The following ARID5B variants were observed in gnomAD, a reference collection of about 807,000 sequenced individuals.
ARID5B encodes the protein AT-rich interaction domain 5B.
Under a neutral mutation model 97.2 loss-of-function variants are expected in ARID5B, and 13 were observed. The ratio of observed to expected loss-of-function variants is 0.13; its 90% CI spans 0.09 to 0.21. The LOEUF is 0.21. Among genes scored for constraint, ARID5B ranks in the 10% least tolerant of loss-of-function variants. ARID5B has a pLI of 1.00. For synonymous variants in ARID5B, 556 were observed against 570.3 expected (o/e 0.97, Z 0.36); for missense variants, 1,210 against 1,465.3 (o/e 0.83, Z 2.84).
chr10:61,904,278 G>C (rs936131938), intron 2 of ARID5B, among the ~76,000 whole-genome samples: 17 of 151,954 alleles, frequency 1.1e-4, no homozygotes, highest in Admixed American at 1.1e-3. Context: ...CTCTTTTTTG[G>C]GGGGCGGGGA....
chr10:62,058,600 G>T (rs768146276), intron 6 of ARID5B, among the ~76,000 whole-genome samples: 8 of 152,140 alleles, frequency 5.3e-5, no homozygotes, highest in Non-Finnish European at 8.8e-5. Flanking sequence ...CATCACACAG[G>T]CCAGTTAGGG....
intron 3 of ARID5B, among the ~76,000 whole-genome samples, chr10:61,954,903 G>A (rs1181825965): frequency 1.3e-5 from 2 of 152,052 alleles, no homozygotes; most frequent in South Asian, 2.1e-4. Context: ...CTACTTGGGA[G>A]GCTGAGGCAG....
intron 3 of ARID5B, among the ~76,000 whole-genome samples, chr10:61,982,554 G>A (rs1006806267): frequency 1.3e-5 from 2 of 152,196 alleles, no homozygotes; most frequent in African/African-American, 2.4e-5. Context: ...ATTTCTTACA[G>A]CTAAAGAAAA....
At chr10:62,013,619 C>G (rs933009748) in intron 4 of ARID5B, among the ~76,000 whole-genome samples, 2 of 151,998 alleles carry the variant, frequency 1.3e-5, no homozygotes, top group Non-Finnish European at 2.9e-5. Context: ...CCATTCTACT[C>G]TCTACTCCTA....
intron 4 of ARID5B, among the ~76,000 whole-genome samples, chr10:62,048,265 G>A (rs186831213): frequency 1.9e-3 from 295 of 152,264 alleles, no homozygotes; most frequent in African/African-American, 6.6e-3. Context: ...CAGCCTTTTG[G>A]GTGTTGTGCT....
intron 3 of ARID5B, among the ~76,000 whole-genome samples, chr10:61,995,334 G>T (rs962585189): frequency 6.6e-6 from 1 of 152,206 alleles, no homozygotes; most frequent in Non-Finnish European, 1.5e-5. Flanking sequence ...ACTTTGCACA[G>T]GAGTGTTTAC....
At chr10:61,947,830 G>A (rs1480422741) in intron 3 of ARID5B, among the ~76,000 whole-genome samples, 1 of 152,198 alleles carries the variant, frequency 6.6e-6, no homozygotes, top group Non-Finnish European at 1.5e-5. Context: ...CCAATCAACA[G>A]CTGGTCGTTG....
intron 3 of ARID5B, among the ~76,000 whole-genome samples, chr10:61,953,614 G>A (rs999790575): frequency 3.9e-5 from 6 of 152,180 alleles, no homozygotes; most frequent in African/African-American, 1.4e-4. Flanking sequence ...GTAGCGGAAA[G>A]AGCATGAACT....
At chr10:61,949,489 TA>T (rs1249964527) in intron 3 of ARID5B, among the ~76,000 whole-genome samples, 1 of 152,092 alleles carries the variant, frequency 6.6e-6, no homozygotes, top group East Asian at 1.9e-4. Flanking sequence ...AATACAAAAT[TA>T]GACGGGTATG....
At chr10:61,977,971 TC>T (rs1160594681) in intron 3 of ARID5B, among the ~76,000 whole-genome samples, 1 of 152,228 alleles carries the variant, frequency 6.6e-6, no homozygotes, top group Non-Finnish European at 1.5e-5. Flanking sequence ...TAGGTTTTCT[TC>T]TAGGGTTTTT....
At chr10:61,962,506 G>C (rs1036836988) in intron 3 of ARID5B, among the ~76,000 whole-genome samples, 1 of 152,196 alleles carries the variant, frequency 6.6e-6, no homozygotes, top group Non-Finnish European at 1.5e-5. Context: ...TTACATGTGG[G>C]TTTGAGAAAT....
intron 4 of ARID5B, chr10:62,049,225 C>T (rs1208094875): frequency 9.6e-6 from 13 of 1,359,872 alleles, no homozygotes; most frequent in Admixed American, 3.4e-5. Flanking sequence ...CCCTCCCTGC[C>T]AGTCTGGCAA....
At position 62,091,425 on chromosome 10, in the gene ARID5B, T is replaced by C. The variant is rs761913705; in HGVS notation, c.1962T>C (p.Phe654=). ...QTPKVLVVQS[F]DMFKDKDLTG... ...CAAAGGTCCTTGTGGTCCAGTCGTT[T>C]GACATGTTCAAAGACAAAGACCTGA... The change falls in exon 10 of 10, where the codon TTT becomes TTC. Residue 654 remains phenylalanine (F), a synonymous_variant. Transcript: ENST00000279873. 6.2e-7 allele frequency: 1 copy of C among 1,612,594 alleles called. No homozygotes were observed. The highest frequency in any genetic ancestry group is 1.7e-5 in the Admixed American group (1 of 59,880).
chr10:62,038,204 GT>G (rs1194888973), intron 4 of ARID5B, among the ~76,000 whole-genome samples: 1 of 152,088 alleles, frequency 6.6e-6, no homozygotes, highest in South Asian at 2.1e-4. Context: ...TTTAAATGGT[GT>G]TTTTAAAAGA....
chr10:62,065,765 G>T (rs934604963), intron 7 of ARID5B, among the ~76,000 whole-genome samples: 1 of 148,530 alleles, frequency 6.7e-6, no homozygotes, highest in Admixed American at 6.8e-5. Flanking sequence ...AGGATAGCGT[G>T]AACCTGGAAG....
At chr10:62,086,874 T>C (rs1455358388) in intron 9 of ARID5B, among the ~76,000 whole-genome samples, 1 of 62,806 alleles carries the variant, frequency 1.6e-5, no homozygotes, top group Non-Finnish European at 4.0e-5. Context: ...AAAAATGCTT[T>C]GGAGGTCCAG....
At chr10:61,943,391 G>A (rs1844446362) in intron 3 of ARID5B, among the ~76,000 whole-genome samples, 1 of 151,982 alleles carries the variant, frequency 6.6e-6, no homozygotes, top group South Asian at 2.1e-4. Flanking sequence ...ACACTTATTA[G>A]GTTTTTCCTT....
chr10:61,948,380 A>ATTTTTTTTTTTTT lies in ARID5B; in HGVS notation c.502+7980_502+7992dup, dbSNP rs71470784. The stretch of plus-strand genomic sequence containing the variant: ...CTTATCTTAGGATACACTTTAGGTA[A>ATTTTTTTTTTTTT]TTTTTTTTTTTTTTTTTTTTGAGAT... On this transcript the variant is annotated intron_variant, in intron 3 of 9. Coordinates refer to ENST00000279873, the MANE Select transcript of ARID5B (RefSeq NM_032199.3). Among the ~76,000 whole-genome samples, 223 of 86,154 alleles carry ATTTTTTTTTTTTT rather than the reference A, an allele frequency of 2.6e-3. 13 individuals are homozygous for ATTTTTTTTTTTTT. The highest frequency in any genetic ancestry group is 4.6e-3 in the South Asian group (13 of 2,842). 56.5% of individuals were successfully genotyped at this position (86,154 alleles called of 152,430 possible). A position where few individuals can be genotyped will look rare whatever the true frequency, so the allele number is the denominator to read the frequency against.
Position 61,911,254 on chromosome 10 carries a change from A to G in ARID5B, c.276+8841A>G, listed in dbSNP as rs189867571. Among the ~76,000 whole-genome samples the G allele has an allele frequency of 9.2e-5, 14 of 152,246 alleles. No homozygotes were observed. In the East Asian group the frequency reaches 2.3e-3, roughly 25 times the overall value. On this transcript the variant is annotated intron_variant, in intron 2 of 9. Transcript: ENST00000279873. ...CATAGGAGTGAATTAATTAGACCAT[A>G]TTTTGTCTTTAGTTGCTTAGTTACA...
Sources: allele counts gnomAD v4.1 joint callset (sites outside exome capture counted in the v4.1 genomes callset), GRCh38; gene constraint gnomAD v4.1.1; transcripts MANE v1.5; gene names NCBI Gene and HGNC (gene_info 2026-07-23, HGNC 2026-07-21).